DPH6: variants seen among roughly 807,000 people sequenced by gnomAD.
DPH6 encodes the protein diphthine--ammonia ligase.
In DPH6, 33 loss-of-function variants were observed where a neutral mutation model predicts 38.2. The observed-to-expected ratio is 0.86, with a 90% CI of 0.65 to 1.15. The LOEUF (loss-of-function observed/expected upper bound fraction) is 1.15, where lower values mean the gene tolerates loss of function less well. Ranked by LOEUF, DPH6 falls within the 50% of genes most tolerant of loss-of-function variation. The pLI is 0.00. For missense variants in DPH6, 325 were observed against 320.0 expected (o/e 1.02, Z -0.12); for synonymous variants, 108 against 103.0 (o/e 1.05, Z -0.30).
chr15:35,219,161 T>C (rs1375046937), exon 4 of DPH6: 1 of 152,196 alleles, frequency 6.6e-6, no homozygotes, highest in Admixed American at 6.5e-5. Flanking sequence ...CAGCATCCTT[T>C]TATGTGCTCT....
intron 5 of DPH6, among the ~76,000 whole-genome samples, chr15:35,441,602 T>C (rs1043844879): frequency 3.3e-5 from 5 of 151,638 alleles, no homozygotes; most frequent in African/African-American, 1.2e-4. Flanking sequence ...TAAGTGGGAG[T>C]TGAACAATGA....
chr15:35,245,032 C>G (rs536374757), intron 3 of DPH6, among the ~76,000 whole-genome samples: 16 of 151,982 alleles, frequency 1.1e-4, no homozygotes, highest in Non-Finnish European at 1.2e-4. Context: ...AGTCATTACA[C>G]TTTTAGGGGG....
At chr15:35,541,142 C>T (rs550594922) in intron 2 of DPH6, among the ~76,000 whole-genome samples, 4 of 152,122 alleles carry the variant, frequency 2.6e-5, no homozygotes, top group Non-Finnish European at 2.9e-5. Flanking sequence ...AAAATCCAAA[C>T]ATGTGCATTT....
At chr15:35,206,304 C>T in the DPH6 span, among the ~76,000 whole-genome samples, 7 of 152,138 alleles carry the variant, frequency 4.6e-5, no homozygotes, top group Middle Eastern at 0.017. Context: ...GACTGAATTC[C>T]AAATTGAGAA....
chr15:35,350,109 A>G (rs2052497021), intron 3 of DPH6, among the ~76,000 whole-genome samples: 1 of 152,188 alleles, frequency 6.6e-6, no homozygotes, highest in Non-Finnish European at 1.5e-5. Flanking sequence ...GTTTGATTAC[A>G]GATTACGTCT....
At chr15:35,426,815 T>C (rs1048355615) in intron 5 of DPH6, among the ~76,000 whole-genome samples, 2 of 150,866 alleles carry the variant, frequency 1.3e-5, no homozygotes, top group East Asian at 1.9e-4. Context: ...ATGAGAGATA[T>C]ATATACTGTG....
chr15:35,285,588 T>G (rs2051935494), intron 3 of DPH6, among the ~76,000 whole-genome samples: 1 of 152,176 alleles, frequency 6.6e-6, no homozygotes, highest in Admixed American at 6.6e-5. Flanking sequence ...TTGCCCAGTC[T>G]TGAGTATGTC....
chr15:35,465,823 A>G (rs1400695044), intron 3 of DPH6, among the ~76,000 whole-genome samples: 1 of 152,200 alleles, frequency 6.6e-6, no homozygotes, highest in Non-Finnish European at 1.5e-5. Flanking sequence ...AAAAGTTGTT[A>G]AGGCTGAAAG....
At chr15:35,338,692 A>C (rs531439355) in intron 3 of DPH6, among the ~76,000 whole-genome samples, 4 of 152,338 alleles carry the variant, frequency 2.6e-5, no homozygotes, top group African/African-American at 9.6e-5. Flanking sequence ...GTATATACCC[A>C]AAGGATTATA....
the DPH6 span, among the ~76,000 whole-genome samples, chr15:35,144,983 T>C: frequency 6.6e-6 from 1 of 152,350 alleles, no homozygotes; most frequent in East Asian, 1.9e-4. Flanking sequence ...TTTCTTGGTA[T>C]GAACTTTGAA....
At chr15:35,315,504 G>A (rs751915512) in intron 3 of DPH6, among the ~76,000 whole-genome samples, 75 of 152,260 alleles carry the variant, frequency 4.9e-4, no homozygotes, top group South Asian at 8.3e-4. Flanking sequence ...ATCTCTCCCC[G>A]GTCCAAATGG....
At chr15:35,466,964 T>A (rs772378692) in intron 3 of DPH6, among the ~76,000 whole-genome samples, 14 of 152,164 alleles carry the variant, frequency 9.2e-5, no homozygotes, top group Non-Finnish European at 1.6e-4. Context: ...AGTGAGTGAA[T>A]GTTGAGTGAA....
chr15:35,401,486 G>A, intron 6 of DPH6: 1 of 772,296 alleles, frequency 1.3e-6, no homozygotes, highest in Middle Eastern at 3.6e-4. Context: ...AACCAGGGCA[G>A]TGGCTATGGC....
rs570468246 is a variant in DPH6 at position 35,228,227 on chromosome 15, G to A, written n.201-7645C>T. 2.6e-5 allele frequency among the ~76,000 whole-genome samples: 4 copies of A among 152,210 alleles called. No individual in the cohort carries two copies. In the South Asian group the frequency reaches 8.3e-4, roughly 32 times the overall value. On this transcript the variant is annotated intron_variant and non_coding_transcript_variant, in intron 3 of 3. Transcript: ENST00000560386. Reference sequence around the variant, plus strand: ...CCCTGCACCTTAAAAGTTAAAAAGTGTCCCCCAACTTTTAAACTTTTTATT... The same window carrying A: ...CCCTGCACCTTAAAAGTTAAAAAGTATCCCCCAACTTTTAAACTTTTTATT...
intron 3 of DPH6, among the ~76,000 whole-genome samples, chr15:35,288,453 A>C (rs1389672805): frequency 1.3e-5 from 2 of 152,224 alleles, no homozygotes; most frequent in African/African-American, 4.8e-5. Context: ...ATCACTAAAA[A>C]TGTGATATTT....
In DPH6 at chr15:35,307,761, G is replaced by GTA. The variant is rs202087964; in HGVS notation, n.200+65758_200+65759dup. Among the ~76,000 whole-genome samples the GTA allele has an allele frequency of 7.4e-3, 1,128 of 152,098 alleles. 18 individuals carry two copies. The highest frequency in any genetic ancestry group is 0.026 in the African/African-American group (1,096 of 41,480). On this transcript the variant is annotated intron_variant and non_coding_transcript_variant, in intron 3 of 3. Coordinates refer to the DPH6 transcript ENST00000560386. ...ACATATATGCATATCTTATGTGTGT[G>GTA]TATATATATGCATATATACAAACAC...
chr15:35,264,644 A>G (rs2051771569), intron 3 of DPH6, among the ~76,000 whole-genome samples: 1 of 152,250 alleles, frequency 6.6e-6, no homozygotes. Flanking sequence ...GGAGCCCAGC[A>G]GCAGTCAGGT....
intron 3 of DPH6, among the ~76,000 whole-genome samples, chr15:35,282,224 T>C (rs971694890): frequency 6.6e-6 from 1 of 152,204 alleles, no homozygotes; most frequent in Admixed American, 6.5e-5. Context: ...CAGGCTGAAG[T>C]GCAGCAGTGC....
chr15:35,386,050 T>C (rs1174717945), intron 6 of DPH6, among the ~76,000 whole-genome samples: 5 of 152,062 alleles, frequency 3.3e-5, no homozygotes, highest in African/African-American at 9.7e-5. Flanking sequence ...CCTGTGTCCA[T>C]GTGTTCTCTT....
Sources: allele counts gnomAD v4.1 joint callset (sites outside exome capture counted in the v4.1 genomes callset), GRCh38; gene constraint gnomAD v4.1.1; transcripts MANE v1.5; gene names NCBI Gene and HGNC (gene_info 2026-07-23, HGNC 2026-07-21).